GIP: variants seen among roughly 807,000 people sequenced by gnomAD.
GIP encodes glucose-dependent insulinotropic polypeptide.
In GIP, 16 loss-of-function variants were observed where a neutral mutation model predicts 18.1. The ratio of observed to expected loss-of-function variants is 0.88; its 90% CI spans 0.60 to 1.34. The LOEUF is 1.34. Ranked by LOEUF, GIP falls within the 40% of genes most tolerant of loss-of-function variation. The pLI, the probability that GIP is intolerant of heterozygous loss-of-function variation, is 0.00. For synonymous variants in GIP, 76 were observed against 74.0 expected, an observed-to-expected ratio of 1.03 and a Z score of -0.14; for missense variants, 192 against 183.4, an observed-to-expected ratio of 1.05 and a Z score of -0.27.
Position 48,961,709 on chromosome 17 carries a change from C to T in GIP, c.350+18G>A, listed in dbSNP as rs777233699. The T allele has an allele frequency of 5.1e-6, 8 of 1,556,678 alleles. No individual in the cohort carries two copies. The South Asian group carries it at 6.7e-5, about 13-fold the overall frequency. On this transcript the variant is annotated intron_variant, in intron 4 of 5. Transcript: ENST00000357424. ...CAGGAGGCTTGGCTCCCTCCCTTCC[C>T]TCTGCGCCCTGACTCACCTCTGTGG... is the stretch of plus-strand genomic sequence containing the variant.
chr17:48,958,774 C>G, intron 5 of GIP, 58 bp from the exon 6 acceptor site: 1 of 1,439,014 alleles, frequency 6.9e-7, no homozygotes, highest in Non-Finnish European at 9.6e-7. Flanking sequence ...CGGCCAAGCA[C>G]ATTTATCCTG....
chr17:48,961,872 G>A (rs2041202578), intron 3 of GIP, 53 bp from the exon 4 acceptor site: 4 of 1,274,886 alleles, frequency 3.1e-6, no homozygotes, highest in Non-Finnish European at 4.5e-6. Flanking sequence ...CCAGTCTAGG[G>A]ACACTTGAAT....
In GIP at chr17:48,958,581, T is replaced by G. The variant is rs2143842986; in HGVS notation, c.*126A>C. On this transcript the variant is annotated 3_prime_UTR_variant, in exon 6 of 6. Transcript: ENST00000357424. ...AGTGCTCAGTAGTCATTTTAATAAATTTTCACAATGGGCTCGACTTAGCAT... is the reference window on the plus strand; with the variant it reads ...AGTGCTCAGTAGTCATTTTAATAAAGTTTCACAATGGGCTCGACTTAGCAT... 1 of 775,842 alleles carries G rather than the reference T, an allele frequency of 1.3e-6. No homozygotes were observed. Among genetic ancestry groups the G allele is most frequent in the East Asian group, 2.8e-5 (1 of 36,286 alleles). The allele number at this position is 775,842 out of a possible 1,614,324, so 48.1% of individuals were successfully genotyped here.
intron 3 of GIP, among the ~76,000 whole-genome samples, chr17:48,964,107 C>T (rs556631082): frequency 6.7e-6 from 1 of 148,832 alleles, no homozygotes; most frequent in Non-Finnish European, 1.5e-5. Context: ...TTGCAGTGAG[C>T]CGAGATCGCG....
chr17:48,965,093 T>G (rs536961969), intron 2 of GIP, among the ~76,000 whole-genome samples: 2 of 138,604 alleles, frequency 1.4e-5, no homozygotes, highest in Non-Finnish European at 3.0e-5. Context: ...GAGCTGAGAT[T>G]GCGCCAGTGC....
chr17:48,959,831 C>CT (rs1567795993), intron 5 of GIP, among the ~76,000 whole-genome samples: 5 of 74,752 alleles, frequency 6.7e-5, no homozygotes, highest in African/African-American at 2.8e-4. Context: ...GGGCTCAGCT[C>CT]GGTGGGTAGG....
intron 2 of GIP, 136 bp downstream of exon 2, chr17:48,967,011 G>A (rs1006951793): frequency 2.5e-5 from 16 of 647,750 alleles, no homozygotes; most frequent in African/African-American, 9.0e-5. Flanking sequence ...TCACGCTGCC[G>A]GCAGGTATTT....
At chr17:48,961,626 C>A in intron 4 of GIP, 101 bp downstream of exon 4, 2 of 720,946 alleles carry the variant, frequency 2.8e-6, no homozygotes, top group Non-Finnish European at 4.8e-6. Context: ...GGATGCTTAT[C>A]TCAGGTCCTT....
At position 48,962,524 on chromosome 17, in the gene GIP, A is replaced by T. The variant is rs569969000; in HGVS notation, c.258-705T>A. Reference sequence around the variant, plus strand: ...GCTGGAATTACAGGCACGTGCCACCACACCCAGCTAATCTTTGTATTTTTA... The same window carrying T: ...GCTGGAATTACAGGCACGTGCCACCTCACCCAGCTAATCTTTGTATTTTTA... On this transcript the variant is annotated intron_variant, in intron 3 of 5. Transcript: ENST00000357424. Among the ~76,000 whole-genome samples the T allele has an allele frequency of 6.6e-5, 10 of 152,040 alleles. No individual in the cohort carries two copies. The East Asian group carries it at 7.8e-4, about 12-fold the overall frequency.
chr17:48,967,029 G>A, intron 2 of GIP, 118 bp downstream of exon 2: 1 of 737,500 alleles, frequency 1.4e-6, no homozygotes, highest in East Asian at 2.6e-5. Context: ...TTTCCCTGGA[G>A]CTTCCTACCT....
rs370321827 is a variant in GIP, at chr17:48,964,509, G to T, written c.87-29C>A. 15 of 1,589,178 alleles carry T rather than the reference G, an allele frequency of 9.4e-6. No homozygotes were observed. The African/African-American group carries it at 2.0e-4, about 21-fold the overall frequency. On this transcript the variant is annotated intron_variant, in intron 2 of 5. Coordinates refer to ENST00000357424, the MANE Select transcript of GIP (RefSeq NM_004123.3). ...GAAACAAGGGTGCGGAGAAGGGGCA[G>T]AGATGGGGGGAGAATCACAATGCTA...
chr17:48,960,542 G>A (rs1273677719), intron 5 of GIP, among the ~76,000 whole-genome samples: 1 of 152,136 alleles, frequency 6.6e-6, no homozygotes, highest in East Asian at 1.9e-4. Context: ...GGATAGGCAG[G>A]GGAGAGCATC....
chr17:48,959,812 A>C lies in GIP; in HGVS notation c.452+1074T>G, dbSNP rs1181977735. Among the ~76,000 whole-genome samples the C allele has an allele frequency of 3.2e-3, 301 of 94,410 alleles. 2 individuals are homozygous for C. Among genetic ancestry groups the C allele is most frequent in the African/African-American group, 0.013 (287 of 22,082 alleles). 61.9% of individuals were successfully genotyped at this position (94,410 alleles called of 152,430 possible). A position where few individuals can be genotyped will look rare whatever the true frequency, so the allele number is the denominator to read the frequency against. ...AGCTCGGTGGGTAGGGACAGGCGGG[A>C]CACAGGATGGGCTCAGCTCGGTGGG... On this transcript the variant is annotated intron_variant, in intron 5 of 5. Transcript: ENST00000357424.
At chr17:48,959,272 CT>C (rs746343399) in intron 5 of GIP, among the ~76,000 whole-genome samples, 1 of 152,338 alleles carries the variant, frequency 6.6e-6, no homozygotes, top group Middle Eastern at 3.4e-3. Context: ...TCAAGCAATG[CT>C]CCCACCTTTG....
chr17:48,961,295 C>T (rs1374036959), intron 4 of GIP, among the ~76,000 whole-genome samples: 1 of 152,186 alleles, frequency 6.6e-6, no homozygotes, highest in East Asian at 1.9e-4. Flanking sequence ...CACATTCACT[C>T]TTTGAAATGA....
chr17:48,967,355 TTTTC>T, intron 1 of GIP, 102 bp from the exon 2 acceptor site: 2 of 641,426 alleles, frequency 3.1e-6, no homozygotes, highest in South Asian at 1.8e-5. Flanking sequence ...TTCTTTTCCT[TTTTC>T]TTTTTTTTTT....
rs777053556 is a variant in GIP at position 48,960,913 on chromosome 17, A to C, written c.425T>G (p.Leu142Arg). 6.2e-7 allele frequency: 1 copy of C among 1,606,358 alleles called. No homozygotes were observed. ...GAGCCTGCAGAGGTTTGTCTGATCC[A>C]GCAAGCAGGCCAACAGCTCTTGAAT... ...LLIQELLACLLDQTNLCRLRS... is the reference protein window; with the variant it reads ...LLIQELLACLRDQTNLCRLRS... The change falls in exon 5 of 6, where the codon CTG (leucine) becomes CGG (arginine). Residue 142 changes from leucine to arginine, a missense_variant. Coordinates refer to ENST00000357424, the MANE Select transcript of GIP (RefSeq NM_004123.3).
intron 2 of GIP, among the ~76,000 whole-genome samples, chr17:48,966,577 G>C (rs184626267): frequency 0.025 from 3,830 of 150,632 alleles, 62 homozygotes; most frequent in Admixed American, 0.037. Context: ...AAAAGAAAAA[G>C]AAAAGAATAG....
intron 2 of GIP, among the ~76,000 whole-genome samples, chr17:48,965,796 ATCC>A (rs2041233093): frequency 6.6e-6 from 1 of 152,056 alleles, no homozygotes; most frequent in Non-Finnish European, 1.5e-5. Flanking sequence ...AAATAATTTC[ATCC>A]TCACAACATC....
Sources: gnomAD v4.1 joint callset for allele counts (sites outside exome capture counted in the v4.1 genomes callset) on GRCh38, gnomAD v4.1.1 for gene constraint, MANE v1.5 for transcripts, NCBI Gene and HGNC (gene_info 2026-07-23, HGNC 2026-07-21) for gene names.